CFL1: variants seen among roughly 807,000 people sequenced by gnomAD.
The protein encoded by CFL1 is cofilin-1.
In CFL1, 2 loss-of-function variants were observed where a neutral mutation model predicts 16.3. The ratio of observed to expected loss-of-function variants is 0.12; its 90% CI spans 0.05 to 0.39. CFL1 has a LOEUF of 0.39. CFL1 is among the 10% of genes least tolerant of loss of function. CFL1 has a pLI of 0.99. For synonymous variants in CFL1, 111 were observed against 84.4 expected (o/e 1.31, Z -1.73); for missense variants, 75 against 212.2 (o/e 0.35, Z 4.02).
chr11:65,855,082 G>A lies in CFL1; in HGVS notation c.*254C>T, dbSNP rs1044213512. The stretch of plus-strand genomic sequence containing the variant: ...TCCCCCACAACTGGGGTGCCTGGGG[G>A]GAACTTGGTCTGCTTCAGCCCAAGA... On this transcript the variant is annotated 3_prime_UTR_variant, in exon 4 of 4. Transcript: ENST00000308162. 2.2e-6 allele frequency: 1 copy of A among 448,532 alleles called. No individual in the cohort carries two copies. The highest frequency in any genetic ancestry group is 4.1e-6 in the Non-Finnish European group (1 of 244,100). The allele number at this position is 448,532 out of a possible 1,614,324, so 27.8% of individuals were successfully genotyped here.
intron 2 of CFL1, 95 bp downstream of exon 2, chr11:65,855,840 T>G: frequency 6.6e-7 from 1 of 1,512,746 alleles, no homozygotes; most frequent in Non-Finnish European, 9.0e-7. Context: ...CCCCTCCCCC[T>G]CCAAACCCAC....
intron 1 of CFL1, 38 bp from the exon 2 acceptor site, chr11:65,856,280 C>T: frequency 6.3e-7 from 1 of 1,586,342 alleles, no homozygotes; most frequent in Non-Finnish European, 8.6e-7. Context: ...GAAAAGGATT[C>T]TAGGGAACTG....
Position 65,855,254 on chromosome 11 carries a change from T to C in CFL1, c.*82A>G. 1.7e-6 allele frequency: 2 copies of C among 1,178,668 alleles called. No individual in the cohort carries two copies. The highest frequency in any genetic ancestry group is 1.2e-5 in the South Asian group (1 of 80,446). 73.0% of individuals were successfully genotyped at this position (1,178,668 alleles called of 1,614,324 possible). A position where few individuals can be genotyped will look rare whatever the true frequency, so the allele number is the denominator to read the frequency against. On this transcript the variant is annotated 3_prime_UTR_variant, in exon 4 of 4. Coordinates refer to ENST00000308162, the MANE Select transcript of CFL1 (RefSeq NM_005507.3). ...GCTGGGATCCCCCCAGCCCCTCCGG[T>C]CTGGCAGGAAGGGGGCAGCCTGCAA...
At position 65,855,120 on chromosome 11, in the gene CFL1, T is replaced by C. The variant is rs1859359964; in HGVS notation, c.*216A>G. 3.8e-6 allele frequency: 2 copies of C among 524,980 alleles called. No homozygotes were observed. Among genetic ancestry groups the C allele is most frequent in the Non-Finnish European group, 6.9e-6 (2 of 290,484 alleles). The allele number at this position is 524,980 out of a possible 1,614,324, so 32.5% of individuals were successfully genotyped here. On this transcript the variant is annotated 3_prime_UTR_variant, in exon 4 of 4. Transcript: ENST00000308162. ...CTTCAGCCCAAGAGGAATCAAAAGA[T>C]CAAAAGCAGTTTGGGAAGGCCAGAA...
chr11:65,857,894 A>C, intron 1 of CFL1: 1 of 376,312 alleles, frequency 2.7e-6, no homozygotes, highest in Non-Finnish European at 4.6e-6. Flanking sequence ...GCCCAGGCGG[A>C]GCGCGAGCGA....
chr11:65,855,265 G>T lies in CFL1; in HGVS notation c.*71C>A. 1.5e-6 allele frequency: 2 copies of T among 1,319,572 alleles called. No homozygotes were observed. The highest frequency in any genetic ancestry group is 2.3e-5 in the East Asian group (1 of 43,062). The allele number at this position is 1,319,572 out of a possible 1,614,324, so 81.7% of individuals were successfully genotyped here. On this transcript the variant is annotated 3_prime_UTR_variant, in exon 4 of 4. Coordinates refer to ENST00000308162, the MANE Select transcript of CFL1 (RefSeq NM_005507.3). The stretch of plus-strand genomic sequence containing the variant: ...CCCAGCCCCTCCGGTCTGGCAGGAA[G>T]GGGGCAGCCTGCAACCCCCAAGGGC...
chr11:65,856,587 G>A (rs531529485), intron 1 of CFL1: 2 of 269,612 alleles, frequency 7.4e-6, no homozygotes, highest in South Asian at 3.8e-5. Flanking sequence ...TCAGCCTTTG[G>A]ATAAAACTGG....
At chr11:65,855,894 A>G (rs1487602475) in intron 2 of CFL1, 41 bp downstream of exon 2, 1 of 1,586,448 alleles carries the variant, frequency 6.3e-7, no homozygotes, top group East Asian at 2.2e-5. Context: ...CATCATGAGA[A>G]AGGGGGCAGG....
In CFL1 at chr11:65,856,048, G is replaced by A. The variant is rs4621; in HGVS notation, c.198C>T (p.Asp66=). 1,012,337 of 1,613,854 alleles carry A rather than the reference G, an allele frequency of 0.63. 328,492 individuals carry two copies. The highest frequency in any genetic ancestry group is 0.7 in the Middle Eastern group (4,248 of 6,058). ...LVGDVGQTVD[D]PYATFVKMLP... is the part of the protein sequence containing the mutation. ...GCATCTTGACAAAGGTGGCGTAGGG[G>A]TCGTCGACAGTCTGGCCCACATCGC... is the stretch of plus-strand genomic sequence containing the variant. The change falls in exon 2 of 4, where the codon GAC becomes GAT. Residue 66 remains aspartate, a synonymous_variant. Coordinates refer to ENST00000308162, the MANE Select transcript of CFL1 (RefSeq NM_005507.3).
At position 65,855,366 on chromosome 11, in the gene CFL1, G is replaced by A. The variant is rs1059681; in HGVS notation, c.471C>T (p.Ala157=). The change falls in exon 4 of 4, where the codon GCC becomes GCT. Residue 157 remains alanine (A), a synonymous_variant. Coordinates refer to ENST00000308162, the MANE Select transcript of CFL1 (RefSeq NM_005507.3). ...AAGGCTTGCCCTCCAGGGAGATGAC[G>A]GCACTGCCCCCCAGCTTCTCTGCCA... The part of the protein sequence containing the change: ...CTLAEKLGGS[A]VISLEGKPL 45 of 1,611,984 alleles carry A rather than the reference G, an allele frequency of 2.8e-5. No individual in the cohort carries two copies. The highest frequency in any genetic ancestry group is 1.3e-4 in the East Asian group (6 of 44,890).
chr11:65,855,584 C>T (rs2134706783), intron 3 of CFL1, 70 bp downstream of exon 3: 26 of 1,547,430 alleles, frequency 1.7e-5, no homozygotes, highest in South Asian at 1.1e-4. Context: ...ACCCCCTCTG[C>T]GTGCCATTCA....
In CFL1 at chr11:65,857,997, C is replaced by T. The variant is rs1356107471; in HGVS notation, c.3+100G>A. On this transcript the variant is annotated intron_variant, in intron 1 of 3. Coordinates refer to ENST00000308162, the MANE Select transcript of CFL1 (RefSeq NM_005507.3). ...TGCGAGACCCTCATCCCGCCCGGGG[C>T]GCTGGGGGAGGGGGTGCGGACGTCG... The T allele has an allele frequency of 9.3e-6, 12 of 1,293,934 alleles. No homozygotes were observed. The Admixed American group carries it at 2.9e-4, about 31-fold the overall frequency. 80.2% of individuals were successfully genotyped at this position (1,293,934 alleles called of 1,614,324 possible). A position where few individuals can be genotyped will look rare whatever the true frequency, so the allele number is the denominator to read the frequency against.
intron 1 of CFL1, 102 bp downstream of exon 1, chr11:65,857,995 G>A: frequency 7.8e-7 from 1 of 1,287,004 alleles, no homozygotes; most frequent in South Asian, 1.4e-5. Flanking sequence ...TCCCGCCCGG[G>A]GCGCTGGGGG....
intron 2 of CFL1, 97 bp downstream of exon 2, chr11:65,855,838 C>T: frequency 6.6e-7 from 1 of 1,506,660 alleles, no homozygotes; most frequent in Non-Finnish European, 9.0e-7. Context: ...ACCCCCTCCC[C>T]CTCCAAACCC....
Position 65,858,140 on chromosome 11 carries a change from A to G in CFL1, c.-41T>C, listed in dbSNP as rs1591048378. The G allele has an allele frequency of 1.3e-6, 2 of 1,519,700 alleles. No homozygotes were observed. The highest frequency in any genetic ancestry group is 1.4e-5 in the African/African-American group (1 of 69,784). The allele number at this position is 1,519,700 out of a possible 1,614,324, so 94.1% of individuals were successfully genotyped here. ...AAGGAGAGGGCACCGAGAGCCGCAG[A>G]AGACGAGAGCGCTGCAGCCGCTGCC... On this transcript the variant is annotated 5_prime_UTR_variant, in exon 1 of 4. Transcript: ENST00000308162.
chr11:65,855,926 T>C lies in CFL1; in HGVS notation c.311+9A>G, dbSNP rs749463530. On this transcript the variant is annotated intron_variant, in intron 2 of 3. Coordinates refer to ENST00000308162, the MANE Select transcript of CFL1 (RefSeq NM_005507.3). ...CAGGTGACAGGAAGAAGTGCCAGAATGAGCTCACCAGAAGATAAACACCAG... is the reference window on the plus strand; with the variant it reads ...CAGGTGACAGGAAGAAGTGCCAGAACGAGCTCACCAGAAGATAAACACCAG... 9 of 1,604,980 alleles carry C rather than the reference T, an allele frequency of 5.6e-6. No individual in the cohort carries two copies. In the Admixed American group the frequency reaches 1.5e-4, roughly 27 times the overall value.
Position 65,855,632 on chromosome 11 carries a change from C to G in CFL1, c.388+22G>C, listed in dbSNP as rs202067956. On this transcript the variant is annotated intron_variant, in intron 3 of 3. Coordinates refer to ENST00000308162, the MANE Select transcript of CFL1 (RefSeq NM_005507.3). ...GCCAAGGCCAGAGCAGAAGGGCACT[C>G]AGCACCAATGCTGGCCCTTACCTGT... is the stretch of plus-strand genomic sequence containing the variant. The G allele has an allele frequency of 7.0e-6, 11 of 1,562,348 alleles. No individual in the cohort carries two copies. The East Asian group carries it at 2.5e-4, about 35-fold the overall frequency.
chr11:65,856,072 G>T lies in CFL1; in HGVS notation c.174C>A (p.Gly58=), dbSNP rs117076705. The change falls in exon 2 of 4, where the codon GGC becomes GGA. Residue 58 remains glycine, a synonymous_variant. Coordinates refer to ENST00000308162, the MANE Select transcript of CFL1 (RefSeq NM_005507.3). ...GGTCGTCGACAGTCTGGCCCACATC[G>T]CCCACCAGGATCTCCTTGCCCTCCT... ...ILEEGKEILV[G]DVGQTVDDPY... 1 of 1,613,954 alleles carries T rather than the reference G, an allele frequency of 6.2e-7. No individual in the cohort carries two copies.
In CFL1 at chr11:65,858,110, A is replaced by G. The variant is rs1249807179; in HGVS notation, c.-11T>C. On this transcript the variant is annotated 5_prime_UTR_variant, in exon 1 of 4. Coordinates refer to ENST00000308162, the MANE Select transcript of CFL1 (RefSeq NM_005507.3). ...CCTGCCGCTCACCATGTTTCCGGAA[A>G]CGAAAAGGAGAGGGCACCGAGAGCC... 16 of 1,532,848 alleles carry G rather than the reference A, an allele frequency of 1.0e-5. No homozygotes were observed. Among genetic ancestry groups the G allele is most frequent in the Non-Finnish European group, 7.9e-6 (9 of 1,140,312 alleles). 95.0% of individuals were successfully genotyped at this position (1,532,848 alleles called of 1,614,324 possible).
Sources: allele counts gnomAD v4.1 joint callset, GRCh38; gene constraint gnomAD v4.1.1; transcripts MANE v1.5; gene names NCBI Gene and HGNC (gene_info 2026-07-23, HGNC 2026-07-21).